XPNPEP2: variants seen among roughly 807,000 people sequenced by gnomAD.
The protein encoded by XPNPEP2 is X-prolyl aminopeptidase 2, also known as xaa-Pro aminopeptidase 2.
In XPNPEP2, 64 loss-of-function variants were observed where a neutral mutation model predicts 59.8. The observed-to-expected ratio is 1.07, with a 90% CI of 0.87 to 1.32. The LOEUF is 1.32. Ranked by LOEUF, XPNPEP2 falls within the 40% of genes most tolerant of loss-of-function variation. XPNPEP2 has a pLI of 0.00. For missense variants in XPNPEP2, 575 were observed against 546.8 expected, an observed-to-expected ratio of 1.05 and a Z score of -0.51; for synonymous variants, 235 against 210.0, an observed-to-expected ratio of 1.12 and a Z score of -1.03.
At chrX:129,765,635 C>CTTTTT (rs56014067) in intron 19 of XPNPEP2, among the ~76,000 whole-genome samples, 283 of 67,273 alleles carry the variant, frequency 4.2e-3, no homozygotes, top group African/African-American at 6.6e-3. Context: ...TTCTTTCTTT[C>CTTTTT]TTTTTTTTTT....
chrX:129,747,233 C>A (rs1019853636), intron 6 of XPNPEP2, among the ~76,000 whole-genome samples: 1 of 112,892 alleles, frequency 8.9e-6, no homozygotes, highest in Non-Finnish European at 1.9e-5. Context: ...GCTTCTCTGC[C>A]AGCCTGTCCA....
At chrX:129,761,331 G>A in intron 17 of XPNPEP2, 55 bp downstream of exon 17, 1 of 1,014,556 alleles carries the variant, frequency 9.9e-7, no homozygotes, top group Non-Finnish European at 1.4e-6. Context: ...TACCCTCTAT[G>A]AAGGTAGAGA....
chrX:129,748,077 G>C (rs1926333331), intron 7 of XPNPEP2, among the ~76,000 whole-genome samples: 1 of 112,321 alleles, frequency 8.9e-6, no homozygotes, highest in South Asian at 3.7e-4. Context: ...CCTTTCAAGA[G>C]AGAAAAAATC....
At chrX:129,752,116 C>T (rs1383380229) in intron 9 of XPNPEP2, 34 bp from the exon 10 acceptor site, 1 of 1,195,281 alleles carries the variant, frequency 8.4e-7, no homozygotes, top group East Asian at 3.0e-5. Flanking sequence ...TTAGCAGATG[C>T]TCAGGACCCT....
In XPNPEP2 at chrX:129,757,892, AG is replaced by A. The variant is rs747083019; in HGVS notation, c.1368-1287del. Among the ~76,000 whole-genome samples, 205 of 42,605 alleles carry A rather than the reference AG, an allele frequency of 4.8e-3. 3 individuals are homozygous for A. The highest frequency in any genetic ancestry group is 0.016 in the Admixed American group (55 of 3,386). The allele number at this position is 42,605 out of a possible 115,157, so 37.0% of individuals were successfully genotyped here. Reference sequence around the variant, plus strand: ...GAGAGAAAGAGAGAGAGAGAGAGAGAGAGAAAGAAAGAAAGAAAGAAAGAAA... The same window carrying A: ...GAGAGAAAGAGAGAGAGAGAGAGAGAAGAAAGAAAGAAAGAAAGAAAGAAA... On this transcript the variant is annotated intron_variant, in intron 14 of 20. Transcript: ENST00000371106.
rs751750110 is a variant in XPNPEP2 at position 129,753,381 on chromosome X, G to A, written c.1107+133G>A. 3.6e-4 allele frequency: 209 copies of A among 587,179 alleles called. No homozygotes were observed. In the African/African-American group the frequency reaches 3.8e-3, roughly 11 times the overall value. 48.4% of individuals were successfully genotyped at this position (587,179 alleles called of 1,213,427 possible). On this transcript the variant is annotated intron_variant, in intron 11 of 20. Coordinates refer to ENST00000371106, the MANE Select transcript of XPNPEP2 (RefSeq NM_003399.6). ...AAGCAAGCTGGGCGCGGTGGCTCAC[G>A]CCTGTAATCCTAGCACTTTGGGAGG...
intron 19 of XPNPEP2, among the ~76,000 whole-genome samples, chrX:129,765,416 C>T (rs1364356175): frequency 9.0e-6 from 1 of 111,269 alleles, no homozygotes; most frequent in Non-Finnish European, 1.9e-5. Context: ...ACAAAAAGTA[C>T]AAGCATTTTT....
At chrX:129,746,731 T>G (rs375730053) in intron 6 of XPNPEP2, 50 bp downstream of exon 6, 10 of 1,088,834 alleles carry the variant, frequency 9.2e-6, no homozygotes, top group Non-Finnish European at 1.3e-5. Flanking sequence ...CGAGGGTGAC[T>G]CAGCTTCCCT....
chrX:129,750,123 T>G (rs1337981292), intron 7 of XPNPEP2, among the ~76,000 whole-genome samples: 5 of 112,952 alleles, frequency 4.4e-5, no homozygotes, highest in African/African-American at 1.6e-4. Flanking sequence ...TACCATTCTG[T>G]GTGCTTTACA....
rs1251557624 is a variant in XPNPEP2 at position 129,751,833 on chromosome X, C to CTT, written c.821+10_821+11dup. ...TCACAGACTCTTCTATTAGGTATGG[C>CTT]TTTTCCTTAGCTTGCTGTTGTGGAC... On this transcript the variant is annotated splice_region_variant and intron_variant, in intron 9 of 20. Coordinates refer to ENST00000371106, the MANE Select transcript of XPNPEP2 (RefSeq NM_003399.6). The CTT allele has an allele frequency of 1.7e-6, 2 of 1,203,201 alleles. No individual in the cohort carries two copies. Among genetic ancestry groups the CTT allele is most frequent in the Non-Finnish European group, 2.3e-6 (2 of 887,786 alleles).
At chrX:129,747,486 G>C in intron 6 of XPNPEP2, 121 bp from the exon 7 acceptor site, 1 of 1,020,661 alleles carries the variant, frequency 9.8e-7, no homozygotes, top group South Asian at 2.2e-5. Flanking sequence ...GCTGGGGCAG[G>C]CTCCGGGCAG....
Position 129,742,150 on chromosome X carries a change from A to C in XPNPEP2, c.92A>C (p.Gln31Pro). 8.3e-7 allele frequency: 1 copy of C among 1,209,464 alleles called. No individual in the cohort carries two copies. Among genetic ancestry groups the C allele is most frequent in the African/African-American group, 1.7e-5 (1 of 57,439 alleles). The change falls in exon 2 of 21, where the codon CAG (glutamine) becomes CCG (proline). Residue 31 changes from glutamine (Q) to proline (P), a missense_variant. Coordinates refer to ENST00000371106, the MANE Select transcript of XPNPEP2 (RefSeq NM_003399.6). ...ACAAAGCCAGTGGACCTTGGAGGGC[A>C]GGATGTGAGAAACTGTTCCACCAAC... ...GHTKPVDLGGQDVRNCSTNPP... is the reference protein window; with the variant it reads ...GHTKPVDLGGPDVRNCSTNPP...
At chrX:129,743,162 G>A (rs1233764851) in intron 2 of XPNPEP2, among the ~76,000 whole-genome samples, 1 of 112,515 alleles carries the variant, frequency 8.9e-6, no homozygotes, top group Non-Finnish European at 1.9e-5. Flanking sequence ...GCAGGCAGGT[G>A]GGTGGGCAAA....
chrX:129,750,089 T>C (rs749442289), intron 7 of XPNPEP2, among the ~76,000 whole-genome samples: 70 of 113,020 alleles, frequency 6.2e-4, no homozygotes, highest in Non-Finnish European at 1.0e-3. Flanking sequence ...ATCAGAAAGA[T>C]ACAAGAGTTA....
intron 2 of XPNPEP2, 29 bp downstream of exon 2, chrX:129,742,210 C>A (rs779868385): frequency 1.3e-6 from 1 of 779,602 alleles, no homozygotes; most frequent in Middle Eastern, 5.8e-4. Flanking sequence ...CCGCGCACGG[C>A]CCCCCTGGCC....
Position 129,760,554 on chromosome X carries a change from A to G in XPNPEP2, c.1471A>G (p.Arg491Gly). The change falls in exon 16 of 21, where the codon AGG (arginine) becomes GGG (glycine). Residue 491 changes from arginine to glycine, a missense_variant. By Grantham distance (125) the Arg-to-Gly change is moderately radical. Coordinates refer to ENST00000371106, the MANE Select transcript of XPNPEP2 (RefSeq NM_003399.6). ...GCTGATAGGAAATATTGACCTGTCC[A>G]GGCTCATCTTTCCCGCTGCTACATC... The part of the protein sequence containing the change: ...RVLIGNIDLS[R>G]LIFPAATSGR... 1 of 1,212,282 alleles carries G rather than the reference A, an allele frequency of 8.2e-7. No individual in the cohort carries two copies. Among genetic ancestry groups the G allele is most frequent in the Non-Finnish European group, 1.1e-6 (1 of 895,567 alleles).
chrX:129,750,871 T>C (rs976571852), intron 8 of XPNPEP2, among the ~76,000 whole-genome samples: 2 of 111,639 alleles, frequency 1.8e-5, no homozygotes, highest in Non-Finnish European at 3.8e-5. Context: ...GACCAGGAAA[T>C]GCCTCCCAAC....
At chrX:129,756,460 C>G in intron 13 of XPNPEP2, 24 bp from the exon 14 acceptor site, 1 of 1,209,455 alleles carries the variant, frequency 8.3e-7, no homozygotes, top group Non-Finnish European at 1.1e-6. Flanking sequence ...GGCTGCCCTT[C>G]TCAACATTCT....
intron 15 of XPNPEP2, among the ~76,000 whole-genome samples, 192 bp downstream of exon 15, chrX:129,759,432 A>C (rs1926615274): frequency 8.9e-6 from 1 of 112,827 alleles, no homozygotes; most frequent in Admixed American, 9.3e-5. Context: ...GCCACTGACA[A>C]GGCCTCAGCC....
Sources: gnomAD v4.1 joint callset for allele counts (sites outside exome capture counted in the v4.1 genomes callset) on GRCh38, gnomAD v4.1.1 for gene constraint, MANE v1.5 for transcripts, NCBI Gene and HGNC (gene_info 2026-07-23, HGNC 2026-07-21) for gene names.